NCAM1: variants seen among roughly 807,000 people sequenced by gnomAD.
The protein encoded by NCAM1 is antigen recognized by monoclonal antibody 5.1H11.
In NCAM1, 14 loss-of-function variants were observed where a neutral mutation model predicts 109.8. That is an observed-to-expected ratio of 0.13 (90% CI 0.08 to 0.20). NCAM1 has a LOEUF of 0.20. Among genes scored for constraint, NCAM1 ranks in the 10% least tolerant of loss-of-function variants. The pLI is 1.00. For synonymous variants in NCAM1, 418 were observed against 442.9 expected (o/e 0.94, Z 0.70); for missense variants, 774 against 1,109.9 (o/e 0.70, Z 4.30).
In NCAM1 at chr11:113,160,551, C is replaced by T. The variant is rs1270760521; in HGVS notation, c.53-41828C>T. Among the ~76,000 whole-genome samples the T allele has an allele frequency of 3.3e-5, 5 of 152,250 alleles. No homozygotes were observed. In the South Asian group the frequency reaches 8.3e-4, roughly 25 times the overall value. ...TACTGATCTTCAATAAAGAGAAACT[C>T]CAGAGCATTTCTTCCCCTGAACTGA... On this transcript the variant is annotated intron_variant, in intron 1 of 19. Coordinates refer to ENST00000316851, the MANE Select transcript of NCAM1 (RefSeq NM_181351.5).
chr11:113,018,317 C>CTT (rs1308866647), intron 1 of NCAM1, among the ~76,000 whole-genome samples: 2 of 143,834 alleles, frequency 1.4e-5, no homozygotes, highest in Non-Finnish European at 1.5e-5. Flanking sequence ...TTTTTAAAAC[C>CTT]TTTTTTTTTT....
intron 1 of NCAM1, chr11:113,040,891 A>T (rs1159492110): frequency 6.6e-6 from 1 of 152,116 alleles, no homozygotes; most frequent in Non-Finnish European, 1.5e-5. Flanking sequence ...TGGTTTGGCT[A>T]CTGTATTCCT....
intron 1 of NCAM1, among the ~76,000 whole-genome samples, chr11:113,090,294 A>G (rs1182094721): frequency 6.6e-6 from 1 of 152,192 alleles, no homozygotes; most frequent in African/African-American, 2.4e-5. Flanking sequence ...TACTTAGAGT[A>G]TTACTGACCC....
At chr11:113,130,162 G>A (rs1356481976) in intron 1 of NCAM1, among the ~76,000 whole-genome samples, 1 of 152,152 alleles carries the variant, frequency 6.6e-6, no homozygotes, top group Admixed American at 6.5e-5. Flanking sequence ...TTGAAGCCTC[G>A]TTCAGTATTC....
At chr11:113,189,099 G>T (rs1943599740) in intron 1 of NCAM1, among the ~76,000 whole-genome samples, 1 of 152,136 alleles carries the variant, frequency 6.6e-6, no homozygotes, top group African/African-American at 2.4e-5. Flanking sequence ...AGGAAGCTTA[G>T]TTACTTGGTT....
intron 1 of NCAM1, among the ~76,000 whole-genome samples, chr11:113,009,322 T>TTTTTTTTTTG (rs1565379699): frequency 7.6e-6 from 1 of 131,190 alleles, no homozygotes; most frequent in Non-Finnish European, 1.6e-5. Context: ...GTTTTTTTTT[T>TTTTTTTTTTG]TTTTTTTTTT....
intron 1 of NCAM1, among the ~76,000 whole-genome samples, chr11:113,029,595 C>A (rs897069782): frequency 6.6e-6 from 1 of 152,130 alleles, no homozygotes; most frequent in Non-Finnish European, 1.5e-5. Flanking sequence ...GGAGTCAGGG[C>A]TCCTGGAGGG....
intron 1 of NCAM1, among the ~76,000 whole-genome samples, chr11:112,976,729 C>T (rs1951017088): frequency 6.6e-6 from 1 of 151,810 alleles, no homozygotes; most frequent in African/African-American, 2.4e-5. Context: ...TGATTTAGAC[C>T]ATGATAGGTA....
At position 113,000,817 on chromosome 11, in the gene NCAM1, C is replaced by CATATATATATATAT. The variant is rs375984527; in HGVS notation, c.52+39171_52+39184dup. 4.6e-3 allele frequency among the ~76,000 whole-genome samples: 597 copies of CATATATATATATAT among 129,274 alleles called. 3 individuals are homozygous for CATATATATATATAT. The highest frequency in any genetic ancestry group is 8.2e-3 in the East Asian group (39 of 4,768). 84.8% of individuals were successfully genotyped at this position (129,274 alleles called of 152,430 possible). A position where few individuals can be genotyped will look rare whatever the true frequency, so the allele number is the denominator to read the frequency against. ...GAGGCAACCTATAGAATTATATATA[C>CATATATATATATAT]ATATATATATATATATATATATATA... On this transcript the variant is annotated intron_variant, in intron 1 of 19. Transcript: ENST00000316851.
At chr11:113,129,453 C>T (rs112735725) in intron 1 of NCAM1, among the ~76,000 whole-genome samples, 2,133 of 152,060 alleles carry the variant, frequency 0.014, 37 homozygotes, top group African/African-American at 0.049. Context: ...TAGACAAGGA[C>T]CTGTATTTTT....
chr11:113,137,688 T>C (rs941822474), intron 1 of NCAM1, among the ~76,000 whole-genome samples: 8 of 152,234 alleles, frequency 5.3e-5, no homozygotes, highest in Admixed American at 1.3e-4. Flanking sequence ...GCACAACTAA[T>C]TAGAACTTTA....
chr11:113,153,165 C>T (rs4937994), intron 1 of NCAM1, among the ~76,000 whole-genome samples: 4,734 of 152,120 alleles, frequency 0.031, 112 homozygotes, highest in Middle Eastern at 0.088. Context: ...GCCTCAGCCT[C>T]CTGAGTAGCT....
intron 15 of NCAM1, among the ~76,000 whole-genome samples, chr11:113,253,253 CT>C (rs1413269658): frequency 6.6e-6 from 1 of 152,014 alleles, no homozygotes; most frequent in African/African-American, 2.4e-5. Context: ...AAAGACAAAA[CT>C]TTTGAGATAA....
In NCAM1 at chr11:113,273,422, C is replaced by T; in HGVS notation, c.2456+1546C>T. The T allele has an allele frequency of 3.0e-6, 1 of 332,068 alleles. No homozygotes were observed. 20.6% of individuals were successfully genotyped at this position (332,068 alleles called of 1,614,324 possible). On this transcript the variant is annotated intron_variant, in intron 19 of 19. Transcript: ENST00000316851. The surrounding 1 kb of genome is among the most constrained non-coding windows in gnomAD (Gnocchi z 6.0). The stretch of plus-strand genomic sequence containing the variant: ...CAGCGGCTGCCCCTGCCACAGAAGC[C>T]CCTCAGGCCAAGCAGGAGGCTCCCA...
rs547762617 is a variant in NCAM1 at position 113,046,849 on chromosome 11, G to C, written c.52+85185G>C. ...AAGAAAGAAAGAAAGGACATAGATG[G>C]ACAGACAGAAGAAAGAAAGGAAGGA... On this transcript the variant is annotated intron_variant, in intron 1 of 19. Transcript: ENST00000316851. Among the ~76,000 whole-genome samples the C allele has an allele frequency of 7.3e-5, 11 of 149,768 alleles. No individual in the cohort carries two copies. In the South Asian group the frequency reaches 1.9e-3, roughly 26 times the overall value.
chr11:113,147,561 ACT>A (rs1375754645), intron 1 of NCAM1, among the ~76,000 whole-genome samples: 1 of 152,150 alleles, frequency 6.6e-6, no homozygotes, highest in East Asian at 1.9e-4. Flanking sequence ...AGGTGGGACG[ACT>A]CTGCTAATGG....
intron 1 of NCAM1, among the ~76,000 whole-genome samples, chr11:112,967,284 T>C (rs1034444338): frequency 2.6e-5 from 4 of 152,236 alleles, no homozygotes; most frequent in Non-Finnish European, 4.4e-5. Flanking sequence ...CTGTTTGAGA[T>C]TGTGTTACAT....
intron 1 of NCAM1, among the ~76,000 whole-genome samples, chr11:112,964,985 GTTTTC>G (rs1950692469): frequency 6.6e-6 from 1 of 152,004 alleles, no homozygotes; most frequent in South Asian, 2.1e-4. Flanking sequence ...GTCTTTAACT[GTTTTC>G]TTAAGTTAAT....
intron 1 of NCAM1, among the ~76,000 whole-genome samples, chr11:113,151,823 A>G (rs1555102506): frequency 1.3e-5 from 2 of 152,208 alleles, no homozygotes; most frequent in African/African-American, 4.8e-5. Context: ...CCAGTGTAGC[A>G]AGTTCTAAAT....
Sources: allele counts gnomAD v4.1 joint callset (sites outside exome capture counted in the v4.1 genomes callset), GRCh38; gene constraint gnomAD v4.1.1; non-coding constraint Gnocchi (gnomAD v3.1); transcripts MANE v1.5; gene names NCBI Gene and HGNC (gene_info 2026-07-23, HGNC 2026-07-21).